Variants in SMCHD1 observed in about 807,000 individuals in gnomAD.
SMCHD1 encodes the protein structural maintenance of chromosomes flexible hinge domain containing 1.
A neutral mutation model predicts 254.7 loss-of-function variants in SMCHD1; 78 were observed. The observed-to-expected ratio is 0.31, with a 90% CI of 0.26 to 0.37. The LOEUF is 0.37. Among genes scored for constraint, SMCHD1 ranks in the 10% least tolerant of loss-of-function variants. SMCHD1 has a pLI of 1.00. For synonymous variants in SMCHD1, 766 were observed against 794.9 expected (o/e 0.96, Z 0.61); for missense variants, 1,840 against 2,408.1 (o/e 0.76, Z 4.94).
chr18:2,793,320 T>C (rs1212084912), intron 45 of SMCHD1, among the ~76,000 whole-genome samples: 4 of 152,194 alleles, frequency 2.6e-5, no homozygotes, highest in Non-Finnish European at 5.9e-5. Context: ...CCTATCTTAA[T>C]ATTGTGACTC....
At chr18:2,772,492 A>G in intron 41 of SMCHD1, 120 bp downstream of exon 41, 1 of 793,804 alleles carries the variant, frequency 1.3e-6, no homozygotes, top group Admixed American at 3.6e-5. Context: ...CTTTCCAATA[A>G]AGTACCTGCT....
At chr18:2,703,420 G>T (rs898179123) in intron 12 of SMCHD1, among the ~76,000 whole-genome samples, 30 of 152,094 alleles carry the variant, frequency 2.0e-4, no homozygotes, top group Admixed American at 1.2e-3. Context: ...TGTATCCTAG[G>T]AATTAAAGGC....
At chr18:2,792,079 T>C (rs1489400053) in intron 45 of SMCHD1, among the ~76,000 whole-genome samples, 1 of 152,226 alleles carries the variant, frequency 6.6e-6, no homozygotes, top group Non-Finnish European at 1.5e-5. Context: ...TTTGCTCCTT[T>C]AAACTTTACC....
intron 17 of SMCHD1, among the ~76,000 whole-genome samples, chr18:2,714,267 G>T (rs999682518): frequency 6.6e-6 from 1 of 152,054 alleles, no homozygotes; most frequent in Non-Finnish European, 1.5e-5. Context: ...TTGATTTATA[G>T]TCTATTTTAT....
intron 37 of SMCHD1, among the ~76,000 whole-genome samples, chr18:2,767,584 C>CT (rs397858216): frequency 0.14 from 12,731 of 89,096 alleles, 1,833 homozygotes; most frequent in African/African-American, 0.29. Context: ...AACCTATTTC[C>CT]TTTTTTTTTT....
intron 17 of SMCHD1, among the ~76,000 whole-genome samples, chr18:2,712,752 T>C (rs903800381): frequency 6.6e-6 from 1 of 152,218 alleles, no homozygotes; most frequent in Non-Finnish European, 1.5e-5. Flanking sequence ...CTTGCACTGC[T>C]CCAGCTCATT....
In SMCHD1 at chr18:2,799,740, T is replaced by C. The variant is rs561974118; in HGVS notation, c.5994-2788T>C. Among the ~76,000 whole-genome samples the C allele has an allele frequency of 1.8e-4, 27 of 152,282 alleles. No individual in the cohort carries two copies. The South Asian group carries it at 4.6e-3, about 26-fold the overall frequency. ...TGTTACTAAGACTCTTTCTTGTTAA[T>C]TTTTCTGGAGTTTTTAATTGCCACC... On this transcript the variant is annotated intron_variant, in intron 47 of 47. Coordinates refer to ENST00000320876, the MANE Select transcript of SMCHD1 (RefSeq NM_015295.3).
intron 17 of SMCHD1, among the ~76,000 whole-genome samples, chr18:2,715,925 G>A (rs546195028): frequency 1.3e-5 from 2 of 152,218 alleles, no homozygotes; most frequent in Admixed American, 6.5e-5. Flanking sequence ...AGGATCCATC[G>A]TTAGAGAATT....
chr18:2,751,185 T>A, intron 32 of SMCHD1, 93 bp from the exon 33 acceptor site: 1 of 671,708 alleles, frequency 1.5e-6, no homozygotes, highest in Non-Finnish European at 2.5e-6. Flanking sequence ...TTTAAACATT[T>A]AAATAAGATG....
chr18:2,752,637 G>A, intron 34 of SMCHD1, 85 bp downstream of exon 34: 1 of 798,190 alleles, frequency 1.3e-6, no homozygotes, highest in Non-Finnish European at 2.0e-6. Context: ...GCTCACCTGA[G>A]GAAAAGTAAT....
At chr18:2,742,609 A>G (rs1243923558) in intron 28 of SMCHD1, among the ~76,000 whole-genome samples, 1 of 152,232 alleles carries the variant, frequency 6.6e-6, no homozygotes, top group Non-Finnish European at 1.5e-5. Flanking sequence ...GACTTTTTAC[A>G]TAAAATATTC....
At chr18:2,708,914 T>TAG (rs1568199382) in intron 17 of SMCHD1, among the ~76,000 whole-genome samples, 7 of 51,600 alleles carry the variant, frequency 1.4e-4, no homozygotes, top group South Asian at 1.7e-3. Context: ...ATATAACATA[T>TAG]TAACATGAAA....
chr18:2,728,026 C>A (rs936078469), intron 22 of SMCHD1, among the ~76,000 whole-genome samples: 1 of 151,992 alleles, frequency 6.6e-6, no homozygotes, highest in African/African-American at 2.4e-5. Context: ...AGTAAATGAC[C>A]TGATCATGTC....
intron 7 of SMCHD1, 114 bp from the exon 8 acceptor site, chr18:2,694,413 C>A: frequency 1.1e-6 from 1 of 933,400 alleles, no homozygotes; most frequent in Non-Finnish European, 1.6e-6. Flanking sequence ...CAAAGCTTTT[C>A]TGAAACCTAT....
At chr18:2,752,934 C>G (rs4798022) in intron 34 of SMCHD1, 61,447 of 179,768 alleles carry the variant, frequency 0.34, 11,136 homozygotes, top group East Asian at 0.5. Flanking sequence ...AATCTAAAAA[C>G]ATTATGTGTT....
At chr18:2,658,953 C>T (rs1568057639) in intron 1 of SMCHD1, among the ~76,000 whole-genome samples, 1 of 151,318 alleles carries the variant, frequency 6.6e-6, no homozygotes, top group East Asian at 1.9e-4. Flanking sequence ...TATACACACA[C>T]ATATATATAT....
At chr18:2,727,328 C>G (rs1411778275) in intron 22 of SMCHD1, among the ~76,000 whole-genome samples, 1 of 151,942 alleles carries the variant, frequency 6.6e-6, no homozygotes, top group Non-Finnish European at 1.5e-5. Flanking sequence ...TGGTTTTAAG[C>G]AAAAAGAAAC....
intron 26 of SMCHD1, 100 bp downstream of exon 26, chr18:2,738,645 C>A: frequency 9.9e-7 from 1 of 1,009,020 alleles, no homozygotes; most frequent in Non-Finnish European, 1.4e-6. Flanking sequence ...ATTACGGTTT[C>A]TATGAAATAT....
At chr18:2,732,902 A>G (rs1455744525) in intron 25 of SMCHD1, among the ~76,000 whole-genome samples, 2 of 152,210 alleles carry the variant, frequency 1.3e-5, no homozygotes, top group African/African-American at 4.8e-5. Context: ...CAGAGCCTCT[A>G]TTTGGCCATT....
Sources: gnomAD v4.1 joint callset for allele counts (sites outside exome capture counted in the v4.1 genomes callset) on GRCh38, gnomAD v4.1.1 for gene constraint, MANE v1.5 for transcripts, NCBI Gene and HGNC (gene_info 2026-07-23, HGNC 2026-07-21) for gene names.